ZNF385D: variants seen among roughly 807,000 people sequenced by gnomAD.
ZNF385D encodes zinc finger protein 385D.
A neutral mutation model predicts 35.8 loss-of-function variants in ZNF385D; 15 were observed. That is an observed-to-expected ratio of 0.42 (90% CI 0.28 to 0.64). The LOEUF is 0.64. Ranked by LOEUF, ZNF385D falls within the 30% of genes least tolerant of loss-of-function variation. The probability of loss-of-function intolerance (pLI) is 0.23; values close to 1 mark genes in which losing one functional copy is unlikely to be tolerated. For synonymous variants in ZNF385D, 212 were observed against 186.8 expected, an observed-to-expected ratio of 1.13 and a Z score of -1.10; for missense variants, 474 against 494.6, an observed-to-expected ratio of 0.96 and a Z score of 0.39.
intron 4 of ZNF385D, among the ~76,000 whole-genome samples, chr3:21,445,060 C>A (rs4858323): frequency 0.026 from 3,927 of 152,262 alleles, 139 homozygotes; most frequent in Admixed American, 0.09. Context: ...ATTGTCCAGT[C>A]CCCTGAGGAG....
chr3:21,600,230 C>T (rs1483434682), intron 2 of ZNF385D, among the ~76,000 whole-genome samples: 5 of 152,102 alleles, frequency 3.3e-5, no homozygotes, highest in South Asian at 2.1e-4. Context: ...ATGGAGTAGC[C>T]GTTCTTTCAT....
chr3:21,717,090 G>A lies in ZNF385D; in HGVS notation c.22+33805C>T, dbSNP rs140461748. 5.0e-3 allele frequency among the ~76,000 whole-genome samples: 764 copies of A among 152,206 alleles called. 10 individuals carry two copies. Among genetic ancestry groups the A allele is most frequent in the African/African-American group, 0.017 (707 of 41,520 alleles). ...GGAGGTTGCAGAGAGCCAAGATTGC[G>A]CCACTGCACTCCAACCTGGCAACGA... is the stretch of plus-strand genomic sequence containing the variant. On this transcript the variant is annotated intron_variant, in intron 1 of 7. Transcript: ENST00000281523.
intron 3 of ZNF385D, among the ~76,000 whole-genome samples, chr3:21,912,836 T>G (rs1700025546): frequency 6.6e-6 from 1 of 152,212 alleles, no homozygotes; most frequent in African/African-American, 2.4e-5. Flanking sequence ...CTTTATTTCT[T>G]GAACAGTTCT....
At chr3:21,778,016 A>G (rs940745510) in intron 3 of ZNF385D, among the ~76,000 whole-genome samples, 1 of 151,938 alleles carries the variant, frequency 6.6e-6, no homozygotes, top group Non-Finnish European at 1.5e-5. Context: ...AGTAATAGAC[A>G]TAATAAGTAA....
intron 2 of ZNF385D, among the ~76,000 whole-genome samples, chr3:22,200,675 A>C (rs926324903): frequency 6.6e-6 from 1 of 152,092 alleles, no homozygotes; most frequent in Non-Finnish European, 1.5e-5. Context: ...GCCTGGGAGC[A>C]CTATGGGAGA....
At position 22,105,257 on chromosome 3, in the gene ZNF385D, T is replaced by C. The variant is rs558507471; in HGVS notation, c.325+63560A>G. Among the ~76,000 whole-genome samples the C allele has an allele frequency of 2.6e-5, 4 of 151,932 alleles. No homozygotes were observed. The East Asian group carries it at 7.8e-4, about 29-fold the overall frequency. ...TCTACTGAAAATATTAAGTGCCAAA[T>C]AGTGTACATTTAACACACTTAATTA... On this transcript the variant is annotated intron_variant, in intron 3 of 5. Coordinates refer to the ZNF385D transcript ENST00000494108.
chr3:21,825,697 A>C (rs1267778158), intron 3 of ZNF385D, among the ~76,000 whole-genome samples: 5 of 152,136 alleles, frequency 3.3e-5, no homozygotes, highest in African/African-American at 9.7e-5. Context: ...GGAGAATGAA[A>C]TTTTCTTGTC....
intron 2 of ZNF385D, among the ~76,000 whole-genome samples, chr3:22,201,602 A>C (rs1287174745): frequency 6.6e-6 from 1 of 152,048 alleles, no homozygotes; most frequent in Non-Finnish European, 1.5e-5. Context: ...TTAAAAGTTT[A>C]TCTCAACCAA....
At chr3:22,371,362 A>G (rs1034102479) in intron 2 of ZNF385D, among the ~76,000 whole-genome samples, 1 of 152,118 alleles carries the variant, frequency 6.6e-6, no homozygotes, top group South Asian at 2.1e-4. Flanking sequence ...CCGCAGAATT[A>G]GCATAGAACA....
chr3:22,248,427 T>A (rs1214224839), intron 2 of ZNF385D, among the ~76,000 whole-genome samples: 1 of 152,186 alleles, frequency 6.6e-6, no homozygotes, highest in East Asian at 1.9e-4. Context: ...ATATTATATA[T>A]TCACTGCCCT....
At chr3:22,125,910 C>A (rs937413351) in intron 3 of ZNF385D, among the ~76,000 whole-genome samples, 1 of 152,108 alleles carries the variant, frequency 6.6e-6, no homozygotes, top group Non-Finnish European at 1.5e-5. Flanking sequence ...TCATTTCTTT[C>A]TCTTCCCTGA....
intron 3 of ZNF385D, among the ~76,000 whole-genome samples, chr3:21,869,334 T>C (rs1697560288): frequency 6.6e-6 from 1 of 152,136 alleles, no homozygotes; most frequent in African/African-American, 2.4e-5. Flanking sequence ...GTTATCAAAA[T>C]AAGTTTTTGT....
intron 3 of ZNF385D, among the ~76,000 whole-genome samples, chr3:21,925,493 G>A (rs1015832930): frequency 2.0e-5 from 3 of 152,002 alleles, no homozygotes; most frequent in Admixed American, 6.6e-5. Flanking sequence ...GGATTTAAAT[G>A]CATAATTCAA....
intron 3 of ZNF385D, among the ~76,000 whole-genome samples, chr3:21,993,882 G>A (rs1315478192): frequency 6.6e-6 from 1 of 152,042 alleles, no homozygotes; most frequent in African/African-American, 2.4e-5. Flanking sequence ...TCTCCTTTTT[G>A]TATAATTTCT....
intron 3 of ZNF385D, among the ~76,000 whole-genome samples, chr3:21,860,038 G>A (rs1292798089): frequency 6.6e-6 from 1 of 151,730 alleles, no homozygotes; most frequent in Non-Finnish European, 1.5e-5. Context: ...CACTTTTTTG[G>A]GACTAGAATT....
intron 2 of ZNF385D, among the ~76,000 whole-genome samples, chr3:22,195,773 A>T (rs562198334): frequency 6.6e-6 from 1 of 152,164 alleles, no homozygotes; most frequent in Admixed American, 6.6e-5. Flanking sequence ...GAATCAACCT[A>T]AATGCCTATC....
intron 1 of ZNF385D, among the ~76,000 whole-genome samples, chr3:21,687,903 T>G (rs987556031): frequency 1.4e-5 from 2 of 147,712 alleles, no homozygotes; most frequent in African/African-American, 5.0e-5. Flanking sequence ...ACAAAATCTG[T>G]TTTTTTTTTA....
At chr3:22,045,674 T>C (rs374091115) in intron 3 of ZNF385D, among the ~76,000 whole-genome samples, 1 of 152,190 alleles carries the variant, frequency 6.6e-6, no homozygotes, top group African/African-American at 2.4e-5. Context: ...AATAATTTTA[T>C]GTCTAATATG....
At chr3:21,932,907 C>T (rs1020998231) in intron 3 of ZNF385D, among the ~76,000 whole-genome samples, 1 of 152,086 alleles carries the variant, frequency 6.6e-6, no homozygotes, top group Non-Finnish European at 1.5e-5. Context: ...GTTACCTGGG[C>T]CTATCTTGAA....
Sources: allele counts gnomAD v4.1 joint callset (sites outside exome capture counted in the v4.1 genomes callset), GRCh38; gene constraint gnomAD v4.1.1; transcripts MANE v1.5; gene names NCBI Gene and HGNC (gene_info 2026-07-23, HGNC 2026-07-21).